The following HERC5 variants were observed in gnomAD, a reference collection of about 807,000 sequenced individuals.
HERC5 encodes HECT and RLD domain containing E3 ubiquitin protein ligase 5, also known as E3 ISG15--protein ligase HERC5.
A neutral mutation model predicts 119.6 loss-of-function variants in HERC5; 99 were observed. The ratio of observed to expected loss-of-function variants is 0.83; its 90% CI spans 0.70 to 0.98. HERC5 has a LOEUF of 0.98. Among genes scored for constraint, HERC5 ranks in the 50% least tolerant of loss-of-function variants. HERC5 has a pLI of 0.00. For synonymous variants in HERC5, 478 were observed against 445.9 expected, an observed-to-expected ratio of 1.07 and a Z score of -0.91; for missense variants, 1,267 against 1,241.3, an observed-to-expected ratio of 1.02 and a Z score of -0.31.
At chr4:88,465,750 A>T (rs1740639645) in intron 6 of HERC5, among the ~76,000 whole-genome samples, 1 of 152,224 alleles carries the variant, frequency 6.6e-6, no homozygotes, top group South Asian at 2.1e-4. Flanking sequence ...AAAAGCTATT[A>T]TGCTCATAGT....
intron 15 of HERC5, among the ~76,000 whole-genome samples, chr4:88,487,866 TAATATA>T (rs1741518225): frequency 6.6e-6 from 1 of 152,218 alleles, no homozygotes; most frequent in Admixed American, 6.5e-5. Context: ...TTAAATTTGT[TAATATA>T]GGTAAAGCAT....
At chr4:88,459,687 C>T (rs1379487696) in intron 2 of HERC5, among the ~76,000 whole-genome samples, 1 of 152,054 alleles carries the variant, frequency 6.6e-6, no homozygotes, top group Non-Finnish European at 1.5e-5. Flanking sequence ...CTGCCTAGCC[C>T]TAAATTGGAC....
At position 88,460,174 on chromosome 4, in the gene HERC5, A is replaced by G. The variant is rs772774362; in HGVS notation, c.466+3A>G. 9 of 1,475,988 alleles carry G rather than the reference A, an allele frequency of 6.1e-6. No individual in the cohort carries two copies. In the South Asian group the frequency reaches 9.4e-5, roughly 15 times the overall value. 91.4% of individuals were successfully genotyped at this position (1,475,988 alleles called of 1,614,324 possible). A position where few individuals can be genotyped will look rare whatever the true frequency, so the allele number is the denominator to read the frequency against. ...CCATTCTCTTGCACTCTCAAAAGGT[A>G]ATTTTTCTGTAATATTAATAGTTTT... is the stretch of plus-strand genomic sequence containing the variant. On this transcript the variant is annotated splice_donor_region_variant and intron_variant, in intron 3 of 22. Transcript: ENST00000264350.
rs1044874112 is a variant in HERC5 at position 88,460,115 on chromosome 4, A to G, written c.410A>G (p.Glu137Gly). The G allele has an allele frequency of 2.6e-5, 39 of 1,520,732 alleles. No homozygotes were observed. The highest frequency in any genetic ancestry group is 3.5e-5 in the Non-Finnish European group (39 of 1,105,848). The allele number at this position is 1,520,732 out of a possible 1,614,324, so 94.2% of individuals were successfully genotyped here. The part of the protein sequence containing the change: ...KHLRFESILQ[E>G]KKIIQITCGD... The stretch of plus-strand genomic sequence containing the variant: ...ATCAGGTTTGAAAGCATTTTACAAG[A>G]AAAAAAAATAATTCAGATCACATGT... Residue 137 changes from glutamate (E) to glycine (G), a missense_variant, in exon 3 of 23, where the codon GAA (glutamate) becomes GGA (glycine). This residue lies in a region of HERC5 where 777 missense variants were observed against 758.0 expected (regional missense o/e 1.03). Coordinates refer to ENST00000264350, the MANE Select transcript of HERC5 (RefSeq NM_016323.4).
Position 88,463,626 on chromosome 4 carries a change from G to C in HERC5, c.780+3G>C, listed in dbSNP as rs989947334. On this transcript the variant is annotated splice_donor_region_variant and intron_variant, in intron 5 of 22. Transcript: ENST00000264350. ...CTCACAGTGCCCTACTCACACAGGT[G>C]GGTGTACCCTTGTCTCTTTTTGGCT... is the stretch of plus-strand genomic sequence containing the variant. 1.2e-6 allele frequency: 2 copies of C among 1,609,590 alleles called. No individual in the cohort carries two copies. Among genetic ancestry groups the C allele is most frequent in the African/African-American group, 2.7e-5 (2 of 74,686 alleles).
intron 16 of HERC5, among the ~76,000 whole-genome samples, chr4:88,492,067 G>A (rs1741656419): frequency 6.6e-6 from 1 of 151,968 alleles, no homozygotes; most frequent in African/African-American, 2.4e-5. Context: ...GCAGTGGTGC[G>A]ACCTTGGCTC....
chr4:88,467,291 A>G, intron 7 of HERC5, 87 bp downstream of exon 7: 2 of 1,321,724 alleles, frequency 1.5e-6, no homozygotes, highest in Non-Finnish European at 1.1e-6. Flanking sequence ...AAAGAAAGCA[A>G]CATATGACTA....
At position 88,468,424 on chromosome 4, in the gene HERC5, TA is replaced by T; in HGVS notation, c.1134+7del. On this transcript the variant is annotated splice_donor_region_variant and intron_variant, in intron 8 of 22. Transcript: ENST00000264350. ...ATTTTGCTCTGGATAAAGAAAGAGG[TA>T]AAAATAGATCTCCAGGTGTTCTATA... The T allele has an allele frequency of 6.3e-7, 1 of 1,592,732 alleles. No homozygotes were observed. The highest frequency in any genetic ancestry group is 8.6e-7 in the Non-Finnish European group (1 of 1,162,214).
At chr4:88,504,129 A>T (rs1742034773) in intron 20 of HERC5, 103 bp from the exon 21 acceptor site, 1 of 686,442 alleles carries the variant, frequency 1.5e-6, no homozygotes, top group Non-Finnish European at 2.5e-6. Context: ...GGCACATGGT[A>T]GGTACTCAAT....
In HERC5 at chr4:88,482,326, GGAAAA is replaced by G. The variant is rs374414663; in HGVS notation, c.1737+2832_1737+2836del. Among the ~76,000 whole-genome samples the G allele has an allele frequency of 8.1e-4, 123 of 151,386 alleles. 3 individuals are homozygous for G. The Middle Eastern group carries it at 0.021, about 25-fold the overall frequency. On this transcript the variant is annotated intron_variant, in intron 13 of 22. Coordinates refer to ENST00000264350, the MANE Select transcript of HERC5 (RefSeq NM_016323.4). ...CTCCATCTCAAAAAAAAAAAAAAAGGGAAAAGAAAAGAAAAGAGAAGTAGTAGCTT... is the reference window on the plus strand; with the variant it reads ...CTCCATCTCAAAAAAAAAAAAAAAGGGAAAAGAAAAGAGAAGTAGTAGCTT...
chr4:88,469,210 A>G lies in HERC5; in HGVS notation c.1188A>G (p.Val396=). Residue 396 remains valine, a synonymous_variant, in exon 9 of 23, where the codon GTA becomes GTG. Transcript: ENST00000264350. The part of the protein sequence containing the change: ...RTIPTLNEGT[V]KRWIADVETK... ...TTCCTACTCTGAATGAAGGGACTGT[A>G]AAGAGATGGATTGCTGATGTGGAGA... is the stretch of plus-strand genomic sequence containing the variant. 1.9e-6 allele frequency: 3 copies of G among 1,613,666 alleles called. No individual in the cohort carries two copies. Among genetic ancestry groups the G allele is most frequent in the Non-Finnish European group, 2.5e-6 (3 of 1,179,572 alleles).
rs1198300462 is a variant in HERC5 at position 88,459,341 on chromosome 4, C to G, written c.266-6C>G. ...ACAATAGTTCCTGGTTGGATTTGCTCTGTAGAATGCATTAAATTAGGAAAA... is the reference window on the plus strand; with the variant it reads ...ACAATAGTTCCTGGTTGGATTTGCTGTGTAGAATGCATTAAATTAGGAAAA... On this transcript the variant is annotated splice_polypyrimidine_tract_variant and splice_region_variant and intron_variant, in intron 1 of 22. Transcript: ENST00000264350. 2 of 1,574,776 alleles carry G rather than the reference C, an allele frequency of 1.3e-6. No homozygotes were observed. Among genetic ancestry groups the G allele is most frequent in the Non-Finnish European group, 1.7e-6 (2 of 1,165,900 alleles).
chr4:88,457,626 G>T, intron 1 of HERC5, 92 bp downstream of exon 1: 1 of 1,190,626 alleles, frequency 8.4e-7, no homozygotes, highest in South Asian at 4.1e-5. Context: ...CCGCGCCTGA[G>T]GGAGGAGAGC....
At chr4:88,482,513 C>T (rs1236465203) in intron 13 of HERC5, among the ~76,000 whole-genome samples, 1 of 152,122 alleles carries the variant, frequency 6.6e-6, no homozygotes, top group Non-Finnish European at 1.5e-5. Flanking sequence ...ACTGGAGGAT[C>T]TCAGTTGTGA....
At chr4:88,487,024 C>G (rs773015678) in intron 14 of HERC5, 45 bp from the exon 15 acceptor site, 2 of 1,349,730 alleles carry the variant, frequency 1.5e-6, no homozygotes, top group Non-Finnish European at 2.1e-6. Flanking sequence ...TGTAAGGTTT[C>G]TCTGTCCTTT....
intron 12 of HERC5, among the ~76,000 whole-genome samples, chr4:88,477,787 A>G (rs925685234): frequency 1.3e-5 from 2 of 152,226 alleles, no homozygotes; most frequent in African/African-American, 4.8e-5. Flanking sequence ...TATTCAGCTC[A>G]AGGAAATCCA....
At chr4:88,464,017 A>C in intron 6 of HERC5, 32 bp downstream of exon 6, 1 of 1,579,994 alleles carries the variant, frequency 6.3e-7, no homozygotes, top group Non-Finnish European at 8.6e-7. Context: ...AGAATTGATA[A>C]AATGAGTGCA....
At position 88,463,923 on chromosome 4, in the gene HERC5, G is replaced by A. The variant is rs1740545269; in HGVS notation, c.849G>A (p.Glu283=). 1.2e-6 allele frequency: 2 copies of A among 1,613,800 alleles called. No individual in the cohort carries two copies. The highest frequency in any genetic ancestry group is 1.3e-5 in the African/African-American group (1 of 74,836). The change falls in exon 6 of 23, where the codon GAG becomes GAA. Residue 283 remains glutamate (E), a synonymous_variant. Coordinates refer to ENST00000264350, the MANE Select transcript of HERC5 (RefSeq NM_016323.4). Reference sequence around the variant, plus strand: ...TTGGTCATAATTCAACACAGAATGAGCTAAGACCCTGTTTGGTGGCTGAGC... The same window carrying A: ...TTGGTCATAATTCAACACAGAATGAACTAAGACCCTGTTTGGTGGCTGAGC... ...GQLGHNSTQN[E]LRPCLVAELV...
rs746227136 is a variant in HERC5, at chr4:88,486,138, A to G, written c.1761A>G (p.Leu587=). The change falls in exon 14 of 23, where the codon CTA becomes CTG. Residue 587 remains leucine (L), a synonymous_variant. Coordinates refer to ENST00000264350, the MANE Select transcript of HERC5 (RefSeq NM_016323.4). ...LHRVNQVKCQ[L]PESIFQVDEL... ...AGGTAAACCAGGTGAAATGTCAACT[A>G]CCTGAAAGTATTTTCCAAGTAGACG... The G allele has an allele frequency of 1.2e-6, 2 of 1,611,016 alleles. No individual in the cohort carries two copies. Among genetic ancestry groups the G allele is most frequent in the Admixed American group, 1.7e-5 (1 of 59,780 alleles).
Sources: gnomAD v4.1 joint callset for allele counts (sites outside exome capture counted in the v4.1 genomes callset) on GRCh38, gnomAD v4.1.1 for gene constraint, gnomAD v4.1.1 regional missense constraint, MANE v1.5 for transcripts, NCBI Gene and HGNC (gene_info 2026-07-23, HGNC 2026-07-21) for gene names.